The following TRAPPC8 variants were observed in gnomAD, a reference collection of about 807,000 sequenced individuals.
TRAPPC8 encodes the protein general sporulation gene 1 homolog.
In TRAPPC8, 54 loss-of-function variants were observed where a neutral mutation model predicts 174.3. The ratio of observed to expected loss-of-function variants is 0.31; its 90% confidence interval spans 0.25 to 0.39. The LOEUF is 0.39. Among genes scored for constraint, TRAPPC8 ranks in the 10% least tolerant of loss-of-function variants. TRAPPC8 has a pLI of 1.00. For synonymous variants in TRAPPC8, 630 were observed against 579.9 expected (o/e 1.09, Z -1.24); for missense variants, 1,531 against 1,699.1 (o/e 0.90, Z 1.74).
At chr18:31,854,025 A>ATTGACTTTGGTAGCAGTGT in intron 21 of TRAPPC8, 80 bp from the exon 22 acceptor site, 1 of 1,062,446 alleles carries the variant, frequency 9.4e-7, no homozygotes, top group Non-Finnish European at 1.4e-6. Flanking sequence ...AAATTCAGAC[A>ATTGACTTTGGTAGCAGTGT]CTGCTACCAA....
intron 25 of TRAPPC8, among the ~76,000 whole-genome samples, chr18:31,849,031 TA>T (rs1249627068): frequency 3.3e-5 from 5 of 152,140 alleles, no homozygotes; most frequent in African/African-American, 1.2e-4. Context: ...TAAGAATTAT[TA>T]ATTTGGTTGG....
In TRAPPC8 at chr18:31,847,937, T is replaced by C. The variant is rs149411860; in HGVS notation, c.3736-1120A>G. Among the ~76,000 whole-genome samples the C allele has an allele frequency of 7.2e-3, 1,102 of 152,246 alleles. 15 individuals are homozygous for C. Among genetic ancestry groups the C allele is most frequent in the African/African-American group, 0.025 (1,058 of 41,546 alleles). ...ATTATGTCCCTTTTTCAACTGTTTT[T>C]CTTCACAAAAATGTTCAAGCTCTTG... On this transcript the variant is annotated intron_variant, in intron 25 of 28. Transcript: ENST00000283351.
At chr18:31,906,002 A>T (rs2036640160) in intron 9 of TRAPPC8, among the ~76,000 whole-genome samples, 2 of 152,160 alleles carry the variant, frequency 1.3e-5, no homozygotes, top group Admixed American at 6.6e-5. Context: ...GAGAATATTT[A>T]GCCAAGGAAA....
At chr18:31,900,898 C>A in intron 10 of TRAPPC8, 27 bp downstream of exon 10, 17 of 1,415,934 alleles carry the variant, frequency 1.2e-5, no homozygotes, top group East Asian at 2.5e-5. Context: ...TAACTGGATA[C>A]AATATAAATC....
chr18:31,838,154 AT>A (rs2032873388), intron 27 of TRAPPC8, among the ~76,000 whole-genome samples: 1 of 151,808 alleles, frequency 6.6e-6, no homozygotes, highest in Admixed American at 6.6e-5. Flanking sequence ...TTTTTAAAAT[AT>A]TTTTTCTCTT....
intron 17 of TRAPPC8, 117 bp from the exon 18 acceptor site, chr18:31,867,092 A>G: frequency 9.1e-7 from 1 of 1,097,350 alleles, no homozygotes; most frequent in South Asian, 1.8e-5. Flanking sequence ...TAAAATGCCA[A>G]TTAATTTATG....
At chr18:31,915,239 C>T (rs2037079830) in intron 4 of TRAPPC8, among the ~76,000 whole-genome samples, 2 of 152,048 alleles carry the variant, frequency 1.3e-5, no homozygotes, top group South Asian at 2.1e-4. Flanking sequence ...GAGGCCAAGG[C>T]GGGCAGATCA....
chr18:31,849,812 G>A (rs1006865879), intron 24 of TRAPPC8, 73 bp from the exon 25 acceptor site: 9 of 1,391,730 alleles, frequency 6.5e-6, no homozygotes, highest in Non-Finnish European at 8.5e-6. Flanking sequence ...GTATAACTCA[G>A]TTTTAATTAA....
intron 27 of TRAPPC8, among the ~76,000 whole-genome samples, chr18:31,834,088 GGTTGTT>G (rs35486513): frequency 0.23 from 34,291 of 148,714 alleles, 4,711 homozygotes; most frequent in South Asian, 0.52. Context: ...ATCACATTTT[GGTTGTT>G]GTTGTTGTTG....
chr18:31,942,482 C>T, intron 1 of TRAPPC8, 126 bp downstream of exon 1: 1 of 1,284,242 alleles, frequency 7.8e-7, no homozygotes, highest in Non-Finnish European at 1.0e-6. Context: ...GGGGCCACAG[C>T]CCCAGACGCC....
At position 31,924,802 on chromosome 18, in the gene TRAPPC8, T is replaced by G. The variant is rs542460212; in HGVS notation, c.352+6527A>C. On this transcript the variant is annotated intron_variant, in intron 2 of 28. Transcript: ENST00000283351. ...TTAAGCTATAGTAATTGCCTCCACC[T>G]GCTTTTAAATGCAAATAGCAATCAA... Among the ~76,000 whole-genome samples the G allele has an allele frequency of 9.3e-5, 14 of 150,160 alleles. No individual in the cohort carries two copies. The East Asian group carries it at 2.7e-3, about 29-fold the overall frequency.
intron 12 of TRAPPC8, among the ~76,000 whole-genome samples, chr18:31,885,963 G>A (rs937553039): frequency 2.6e-5 from 4 of 151,450 alleles, no homozygotes; most frequent in African/African-American, 7.3e-5. Flanking sequence ...ATTTCTGAAC[G>A]GCGCTTGCAA....
chr18:31,909,134 A>T, intron 6 of TRAPPC8, 124 bp from the exon 7 acceptor site: 1 of 943,640 alleles, frequency 1.1e-6, no homozygotes, highest in Admixed American at 3.5e-5. Context: ...CAGTATAGGT[A>T]AATGTCTAAG....
At position 31,852,648 on chromosome 18, in the gene TRAPPC8, C is replaced by A; in HGVS notation, c.3449G>T (p.Ser1150Ile). ...AAAGCAAAACTTTCCCTTCTCCCTA[C>A]TGGCAAGTTTGGTATCTAGGAAGAA... ...LSENKDTKLA[S>I]REKGKFCFKA... The change falls in exon 23 of 29, where the codon AGT becomes ATT. Residue 1150 changes from serine (S) to isoleucine (I), a missense_variant. By Grantham distance (142) the Ser-to-Ile change is moderately radical (BLOSUM62 -2). Transcript: ENST00000283351. 1.2e-6 allele frequency: 2 copies of A among 1,613,886 alleles called. No homozygotes were observed.
At chr18:31,890,897 G>A (rs535691812) in intron 11 of TRAPPC8, 31 bp from the exon 12 acceptor site, 2 of 1,569,290 alleles carry the variant, frequency 1.3e-6, no homozygotes, top group Admixed American at 1.9e-5. Context: ...AAAAAGGTTA[G>A]TTTCACCAAG....
chr18:31,874,339 A>G, intron 13 of TRAPPC8, 141 bp downstream of exon 13: 1 of 837,962 alleles, frequency 1.2e-6, no homozygotes, highest in Non-Finnish European at 1.8e-6. Context: ...TATAGCCAAA[A>G]AGCCTAGCCT....
At chr18:31,849,221 T>A in intron 25 of TRAPPC8, among the ~76,000 whole-genome samples, 1 of 151,976 alleles carries the variant, frequency 6.6e-6, no homozygotes, top group East Asian at 1.9e-4. Context: ...AAATTAATGG[T>A]TTTTGGAGCC....
At chr18:31,867,296 C>A in intron 17 of TRAPPC8, 106 bp downstream of exon 17, 1 of 898,532 alleles carries the variant, frequency 1.1e-6, no homozygotes, top group Non-Finnish European at 1.7e-6. Context: ...AATTTTAGTT[C>A]TTAAGAAAAC....
Position 31,830,109 on chromosome 18 carries a change from T to C in TRAPPC8, c.*646A>G, listed in dbSNP as rs1041393951. The C allele has an allele frequency of 4.6e-5, 7 of 152,642 alleles. No individual in the cohort carries two copies. The highest frequency in any genetic ancestry group is 2.1e-4 in the South Asian group (1 of 4,828). 9.5% of individuals were successfully genotyped at this position (152,642 alleles called of 1,614,324 possible). The stretch of plus-strand genomic sequence containing the variant: ...GGTAATTTTAATGACAAAAATCGTA[T>C]TGTGAAATAGCGCACTCTATACTGA... On this transcript the variant is annotated 3_prime_UTR_variant, in exon 29 of 29. Coordinates refer to ENST00000283351, the MANE Select transcript of TRAPPC8 (RefSeq NM_014939.5).
Sources: allele counts gnomAD v4.1 joint callset (sites outside exome capture counted in the v4.1 genomes callset), GRCh38; gene constraint gnomAD v4.1.1; transcripts MANE v1.5; gene names NCBI Gene and HGNC (gene_info 2026-07-23, HGNC 2026-07-21).